The following PLEKHG7 variants were observed in gnomAD, a reference collection of about 807,000 sequenced individuals.
The protein encoded by PLEKHG7 is pleckstrin homology domain-containing family G member 7.
A neutral mutation model predicts 85.2 loss-of-function variants in PLEKHG7; 77 were observed. That is an observed-to-expected ratio of 0.90 (90% CI 0.75 to 1.09). The LOEUF (loss-of-function observed/expected upper bound fraction) is 1.09, where lower values mean the gene tolerates loss of function less well. PLEKHG7 is among the 50% of genes least tolerant of loss of function. The pLI is 0.00. For missense variants in PLEKHG7, 777 were observed against 804.3 expected, an observed-to-expected ratio of 0.97 and a Z score of 0.41; for synonymous variants, 301 against 302.4, an observed-to-expected ratio of 1.00 and a Z score of 0.05.
chr12:92,750,139 ACATATTT>A (rs1382639361), intron 10 of PLEKHG7, among the ~76,000 whole-genome samples: 1 of 151,492 alleles, frequency 6.6e-6, no homozygotes, highest in Non-Finnish European at 1.5e-5. Flanking sequence ...AAGCGACAGG[ACATATTT>A]TCATCTGGGG....
At chr12:92,760,894 A>G (rs1872967981) in intron 13 of PLEKHG7, among the ~76,000 whole-genome samples, 2 of 152,264 alleles carry the variant, frequency 1.3e-5, no homozygotes, top group South Asian at 4.1e-4. Flanking sequence ...CTAGGCCGCC[A>G]TAACAAAATA....
chr12:92,713,154 T>G (rs1184809584), intron 3 of PLEKHG7, among the ~76,000 whole-genome samples: 32 of 152,178 alleles, frequency 2.1e-4, no homozygotes, highest in Admixed American at 2.1e-3. Flanking sequence ...ACATAAATTG[T>G]CAGTAATGTA....
intron 9 of PLEKHG7, among the ~76,000 whole-genome samples, chr12:92,742,796 G>A (rs1872406789): frequency 6.6e-6 from 1 of 151,994 alleles, no homozygotes; most frequent in African/African-American, 2.4e-5. Flanking sequence ...ATGTTGGTCA[G>A]GCTGGTCTCG....
intron 10 of PLEKHG7, among the ~76,000 whole-genome samples, chr12:92,751,446 A>AC (rs1309790812): frequency 6.6e-6 from 1 of 151,848 alleles, no homozygotes; most frequent in Non-Finnish European, 1.5e-5. Context: ...GCTCACTGCA[A>AC]CCTCTGCCTA....
At chr12:92,708,678 C>T (rs1871308921) in intron 3 of PLEKHG7, 1 of 152,136 alleles carries the variant, frequency 6.6e-6, no homozygotes, top group African/African-American at 2.4e-5. Flanking sequence ...CCCATGGGTC[C>T]ATGGGATCAA....
At chr12:92,732,804 T>C (rs1872029937) in intron 5 of PLEKHG7, among the ~76,000 whole-genome samples, 1 of 152,194 alleles carries the variant, frequency 6.6e-6, no homozygotes, top group Non-Finnish European at 1.5e-5. Context: ...GAGACTTTAC[T>C]GCCTAAGACA....
chr12:92,726,806 T>G (rs949288223), intron 3 of PLEKHG7, among the ~76,000 whole-genome samples: 7 of 152,204 alleles, frequency 4.6e-5, no homozygotes, highest in African/African-American at 1.7e-4. Context: ...AGAAGGTAGA[T>G]AGTCCTGTGT....
At chr12:92,711,558 TTGA>T in intron 3 of PLEKHG7, among the ~76,000 whole-genome samples, 1 of 151,902 alleles carries the variant, frequency 6.6e-6, no homozygotes. Context: ...GCATGGTGAC[TTGA>T]TGACCCATAG....
intron 9 of PLEKHG7, among the ~76,000 whole-genome samples, chr12:92,743,516 A>G (rs1872429111): frequency 6.7e-6 from 1 of 150,068 alleles, no homozygotes; most frequent in Non-Finnish European, 1.5e-5. Flanking sequence ...GGGTGATAGA[A>G]CTGGATATCT....
chr12:92,736,446 T>G, intron 5 of PLEKHG7, 36 bp from the exon 6 acceptor site: 6 of 1,153,690 alleles, frequency 5.2e-6, no homozygotes, highest in Non-Finnish European at 6.5e-6. Flanking sequence ...AAAGAATCAA[T>G]GTTTGAAAAT....
intron 15 of PLEKHG7, among the ~76,000 whole-genome samples, chr12:92,765,325 TAA>T (rs59974651): frequency 0.4 from 51,701 of 128,938 alleles, 10,479 homozygotes; most frequent in African/African-American, 0.46. Flanking sequence ...AGTCTCTTAT[TAA>T]AAAAAAAAAA....
intron 11 of PLEKHG7, among the ~76,000 whole-genome samples, 186 bp downstream of exon 11, chr12:92,754,450 T>C (rs923789685): frequency 6.6e-6 from 1 of 152,224 alleles, no homozygotes; most frequent in Non-Finnish European, 1.5e-5. Context: ...AGTCACATCC[T>C]GGCGAACCCT....
chr12:92,705,376 C>T (rs1012068187), intron 1 of PLEKHG7, among the ~76,000 whole-genome samples: 1 of 152,172 alleles, frequency 6.6e-6, no homozygotes, highest in South Asian at 2.1e-4. Flanking sequence ...AAATAATACA[C>T]CCTAGAAAAG....
At chr12:92,756,048 T>C (rs967507614) in intron 12 of PLEKHG7, 108 bp downstream of exon 12, 1 of 814,136 alleles carries the variant, frequency 1.2e-6, no homozygotes, top group Non-Finnish European at 2.0e-6. Context: ...GAAGAATAAA[T>C]CTAGTTTCAT....
chr12:92,721,509 G>T, intron 3 of PLEKHG7: 1 of 1,229,758 alleles, frequency 8.1e-7, no homozygotes, highest in African/African-American at 1.6e-5. Context: ...CCAGCTTGGG[G>T]CAACGCAACT....
intron 10 of PLEKHG7, chr12:92,749,474 G>A (rs1349155351): frequency 6.6e-6 from 1 of 152,010 alleles, no homozygotes; most frequent in Non-Finnish European, 1.5e-5. Context: ...TAATTTTTAT[G>A]GAGATGGGGT....
intron 7 of PLEKHG7, 127 bp downstream of exon 7, chr12:92,737,648 AAG>A: frequency 3.3e-6 from 3 of 922,120 alleles, no homozygotes; most frequent in Non-Finnish European, 4.8e-6. Flanking sequence ...AAGAGAGACA[AAG>A]AGAAAGAAAG....
chr12:92,761,667 A>AAAGAAAGAAAG, intron 13 of PLEKHG7, 85 bp from the exon 14 acceptor site: 2 of 1,264,578 alleles, frequency 1.6e-6, no homozygotes, highest in African/African-American at 1.7e-5. Flanking sequence ...AGAAAGAAAG[A>AAAGAAAGAAAG]AAGAAAGAAA....
At chr12:92,705,795 C>G (rs759234010) in intron 1 of PLEKHG7, among the ~76,000 whole-genome samples, 1 of 152,204 alleles carries the variant, frequency 6.6e-6, no homozygotes, top group Non-Finnish European at 1.5e-5. Context: ...TCCCATGAAT[C>G]AAGCTGTGAA....
Sources: allele counts gnomAD v4.1 joint callset (sites outside exome capture counted in the v4.1 genomes callset), GRCh38; gene constraint gnomAD v4.1.1; transcripts MANE v1.5; gene names NCBI Gene and HGNC (gene_info 2026-07-23, HGNC 2026-07-21).